Variants in NUP35 observed in about 807,000 individuals in gnomAD.
NUP35 encodes the protein nucleoporin NUP35.
Under a neutral mutation model 41.5 loss-of-function variants are expected in NUP35, and 25 were observed. That is an observed-to-expected ratio of 0.60 (90% CI 0.44 to 0.84). The LOEUF is 0.84. Among genes scored for constraint, NUP35 ranks in the 40% least tolerant of loss-of-function variants. The pLI is 0.00. For synonymous variants in NUP35, 149 were observed against 130.7 expected (o/e 1.14, Z -0.96); for missense variants, 396 against 396.6 (o/e 1.00, Z 0.01).
chr2:183,127,303 A>C (rs1684528981), intron 1 of NUP35, among the ~76,000 whole-genome samples: 1 of 151,902 alleles, frequency 6.6e-6, no homozygotes, highest in African/African-American at 2.4e-5. Context: ...TAAATAAAAA[A>C]GATGAGATCT....
In NUP35 at chr2:183,159,670, T is replaced by TA. The variant is rs539959778; in HGVS notation, c.903+25dup. The TA allele has an allele frequency of 1.9e-6, 3 of 1,595,618 alleles. No individual in the cohort carries two copies. The highest frequency in any genetic ancestry group is 1.3e-5 in the African/African-American group (1 of 74,460). ...ATTATCAGGTATTTTAAGGATTGGA[T>TA]AAAAAAAGATGTACTTTAATGGCTG... On this transcript the variant is annotated intron_variant, in intron 8 of 8. Coordinates refer to ENST00000295119, the MANE Select transcript of NUP35 (RefSeq NM_138285.5).
chr2:183,155,651 A>G (rs1685636186), intron 5 of NUP35, among the ~76,000 whole-genome samples: 1 of 148,788 alleles, frequency 6.7e-6, no homozygotes, highest in Non-Finnish European at 1.5e-5. Flanking sequence ...AGCTCACTGC[A>G]GCCTCCAATT....
intron 1 of NUP35, among the ~76,000 whole-genome samples, chr2:183,119,091 C>T (rs922601817): frequency 6.6e-5 from 10 of 152,182 alleles, no homozygotes; most frequent in African/African-American, 2.4e-4. Flanking sequence ...TTTCCCAACT[C>T]CTTGGATCTT....
At chr2:183,138,269 A>ATATATATTTTTT in intron 4 of NUP35, among the ~76,000 whole-genome samples, 32 of 80,674 alleles carry the variant, frequency 4.0e-4, no homozygotes, top group African/African-American at 8.0e-4. Flanking sequence ...ATATATATAT[A>ATATATATTTTTT]TTTTTTTTTT....
Position 183,158,417 on chromosome 2 carries a change from T to G in NUP35, c.738+6T>G. ...TAAAACCATGTATTGACAAAGTAAGTTATTGGTGATGTAGGCAAAGTAGCT... is the reference window on the plus strand; with the variant it reads ...TAAAACCATGTATTGACAAAGTAAGGTATTGGTGATGTAGGCAAAGTAGCT... On this transcript the variant is annotated splice_donor_region_variant and intron_variant, in intron 7 of 8. Transcript: ENST00000295119. 6.3e-7 allele frequency: 1 copy of G among 1,590,088 alleles called. No homozygotes were observed. Among genetic ancestry groups the G allele is most frequent in the Admixed American group, 1.7e-5 (1 of 57,528 alleles).
chr2:183,143,918 T>G (rs1380476643), intron 4 of NUP35, among the ~76,000 whole-genome samples: 1 of 152,192 alleles, frequency 6.6e-6, no homozygotes, highest in Non-Finnish European at 1.5e-5. Context: ...TACTGCAAAG[T>G]CTGATTAAAT....
Position 183,157,464 on chromosome 2 carries a change from C to G in NUP35, c.560C>G (p.Ser187Cys). 6.2e-7 allele frequency: 1 copy of G among 1,612,726 alleles called. No homozygotes were observed. The highest frequency in any genetic ancestry group is 1.7e-5 in the Admixed American group (1 of 60,002). The change falls in exon 6 of 9, where the codon TCC becomes TGC. Residue 187 changes from serine to cysteine, a missense_variant. Coordinates refer to ENST00000295119, the MANE Select transcript of NUP35 (RefSeq NM_138285.5). Reference protein sequence around the residue: ...TVFGFPQASASYILLQFAQYG... With the variant: ...TVFGFPQASACYILLQFAQYG... ...TTCAGGTTTCCTCAAGCATCTGCTT[C>G]CTACATATTACTACAATTTGCACAG... is the stretch of plus-strand genomic sequence containing the variant.
At chr2:183,157,276 A>C (rs561187718) in intron 5 of NUP35, among the ~76,000 whole-genome samples, 168 bp from the exon 6 acceptor site, 50 of 152,314 alleles carry the variant, frequency 3.3e-4, no homozygotes, top group Admixed American at 8.5e-4. Context: ...TTGAGTGACT[A>C]GTCACTGACA....
chr2:183,140,960 A>G (rs528936713), intron 4 of NUP35, among the ~76,000 whole-genome samples: 8 of 152,274 alleles, frequency 5.3e-5, no homozygotes, highest in African/African-American at 1.4e-4. Flanking sequence ...ATTAGATGCT[A>G]TATTAGTTTA....
chr2:183,119,030 T>C (rs940117369), intron 1 of NUP35: 1 of 152,218 alleles, frequency 6.6e-6, no homozygotes, highest in Non-Finnish European at 1.5e-5. Context: ...GGAGGTCAGA[T>C]ACCAGTTAAA....
chr2:183,126,541 T>C (rs1022418150), intron 1 of NUP35, among the ~76,000 whole-genome samples: 1 of 152,242 alleles, frequency 6.6e-6, no homozygotes, highest in Admixed American at 6.5e-5. Context: ...ATTTCTACAG[T>C]GCCATGTAAC....
chr2:183,156,970 T>A (rs1277457844), intron 5 of NUP35, among the ~76,000 whole-genome samples: 3 of 152,216 alleles, frequency 2.0e-5, no homozygotes, highest in African/African-American at 7.2e-5. Flanking sequence ...AATATTTTGA[T>A]GCTGAATTTT....
rs140613784 is a variant in NUP35, at chr2:183,125,509, C to T, written c.40+1012C>T. Among the ~76,000 whole-genome samples the T allele has an allele frequency of 2.0e-5, 3 of 152,168 alleles. No individual in the cohort carries two copies. The East Asian group carries it at 5.8e-4, about 29-fold the overall frequency. On this transcript the variant is annotated intron_variant, in intron 1 of 8. Coordinates refer to ENST00000295119, the MANE Select transcript of NUP35 (RefSeq NM_138285.5). ...TAAGTTCTTTTTGAGAATAGAGTAA[C>T]TTGAACTACTTTAGTCTGTCATAAA...
chr2:183,153,969 A>G (rs552630611), intron 5 of NUP35, among the ~76,000 whole-genome samples: 21 of 152,336 alleles, frequency 1.4e-4, no homozygotes, highest in Admixed American at 4.6e-4. Context: ...CCAAACCTCA[A>G]TTCTTGACTT....
chr2:183,141,996 T>A (rs78354288), intron 4 of NUP35, among the ~76,000 whole-genome samples: 1,831 of 152,338 alleles, frequency 0.012, 23 homozygotes, highest in Middle Eastern at 0.024. Flanking sequence ...ATGCTTTTTT[T>A]AGTCTTCACA....
At chr2:183,153,856 C>T (rs1559155152) in intron 5 of NUP35, among the ~76,000 whole-genome samples, 1 of 152,250 alleles carries the variant, frequency 6.6e-6, no homozygotes, top group Non-Finnish European at 1.5e-5. Context: ...CCCTTCCGCA[C>T]TGCCCTAGCG....
chr2:183,135,154 C>G (rs1399015983), intron 4 of NUP35, among the ~76,000 whole-genome samples: 1 of 152,110 alleles, frequency 6.6e-6, no homozygotes, highest in Non-Finnish European at 1.5e-5. Flanking sequence ...AGGGTTAATT[C>G]CACCTGCAAC....
chr2:183,158,977 T>C (rs1685772774), intron 7 of NUP35, among the ~76,000 whole-genome samples: 1 of 152,178 alleles, frequency 6.6e-6, no homozygotes, highest in Admixed American at 6.5e-5. Context: ...TGTGAACTTG[T>C]ACTACATTCC....
intron 4 of NUP35, among the ~76,000 whole-genome samples, chr2:183,141,292 A>G (rs1685087914): frequency 1.3e-5 from 2 of 152,128 alleles, no homozygotes; most frequent in African/African-American, 4.8e-5. Flanking sequence ...GCCCACCTGG[A>G]TAATCTCCCC....
Sources: allele counts gnomAD v4.1 joint callset (sites outside exome capture counted in the v4.1 genomes callset), GRCh38; gene constraint gnomAD v4.1.1; transcripts MANE v1.5; gene names NCBI Gene and HGNC (gene_info 2026-07-23, HGNC 2026-07-21).